Variants in RBPJ observed in about 807,000 individuals in gnomAD.
The protein encoded by RBPJ is recombination signal binding protein for immunoglobulin kappa J region.
RBPJ carries 9 observed loss-of-function variants against 67.8 expected under a neutral mutation model. The observed-to-expected ratio is 0.13, with a 90% CI of 0.08 to 0.23. The LOEUF (loss-of-function observed/expected upper bound fraction) is 0.23, where lower values mean the gene tolerates loss of function less well. RBPJ is among the 10% of genes least tolerant of loss of function. RBPJ has a pLI of 1.00. For synonymous variants in RBPJ, 198 were observed against 203.3 expected (o/e 0.97, Z 0.22); for missense variants, 305 against 595.6 (o/e 0.51, Z 5.08).
upstream of RBPJ, among the ~76,000 whole-genome samples, chr4:26,160,900 C>T (rs547973183): frequency 9.2e-5 from 14 of 152,348 alleles, no homozygotes; most frequent in African/African-American, 3.4e-4. Flanking sequence ...AAAGGGGCCT[C>T]TTTCTGTTTC....
intron 1 of RBPJ, among the ~76,000 whole-genome samples, chr4:26,229,768 A>G (rs1719210788): frequency 6.6e-6 from 1 of 152,242 alleles, no homozygotes; most frequent in South Asian, 2.1e-4. Context: ...GGATGAAAAA[A>G]TATCAACAAG....
intron 1 of RBPJ, among the ~76,000 whole-genome samples, chr4:26,341,236 C>T (rs1370006297): frequency 3.3e-5 from 5 of 152,226 alleles, no homozygotes; most frequent in East Asian, 3.9e-4. Flanking sequence ...GGAAGGAAAA[C>T]AGGAGTGTAG....
At chr4:26,319,115 C>T (rs1373214779), upstream of RBPJ, among the ~76,000 whole-genome samples, 1 of 151,580 alleles carries the variant, frequency 6.6e-6, no homozygotes, top group African/African-American at 2.4e-5. Context: ...AGGCATGACT[C>T]AAACCCGACT....
chr4:26,215,417 A>G (rs190710077), intron 1 of RBPJ, among the ~76,000 whole-genome samples: 9,967 of 80,780 alleles, frequency 0.12, 765 homozygotes, highest in African/African-American at 0.23. Flanking sequence ...GGAAGGAAGG[A>G]AGGGAGGGAG....
At chr4:26,252,611 A>G (rs1225566560) in intron 1 of RBPJ, among the ~76,000 whole-genome samples, 28 of 152,216 alleles carry the variant, frequency 1.8e-4, no homozygotes, top group Non-Finnish European at 1.5e-5. Flanking sequence ...AAGAAAAGCC[A>G]CATTCTTTGA....
At chr4:26,366,926 C>T (rs186320765) in intron 1 of RBPJ, among the ~76,000 whole-genome samples, 10 of 149,762 alleles carry the variant, frequency 6.7e-5, no homozygotes, top group African/African-American at 2.5e-4. Context: ...CAGTTTGAGA[C>T]CAGCCTGGCC....
intron 2 of RBPJ, among the ~76,000 whole-genome samples, chr4:26,389,640 C>CCTTTTGACCTAT: frequency 1.3e-5 from 2 of 150,820 alleles, no homozygotes; most frequent in East Asian, 3.9e-4. Context: ...TATAGAGTCA[C>CCTTTTGACCTAT]AGATGTTTGA....
chr4:26,402,041 A>G (rs940894728), intron 2 of RBPJ, among the ~76,000 whole-genome samples: 3 of 151,748 alleles, frequency 2.0e-5, no homozygotes, highest in Non-Finnish European at 2.9e-5. Context: ...GGCATGTGCC[A>G]CCATGCCTGG....
chr4:26,140,243 C>G, the RBPJ span, among the ~76,000 whole-genome samples: 3 of 152,210 alleles, frequency 2.0e-5, no homozygotes, highest in African/African-American at 7.2e-5. Context: ...ACAGGGGCCT[C>G]CTTAATTGCC....
At chr4:26,167,817 A>G (rs1456317751) in intron 1 of RBPJ, among the ~76,000 whole-genome samples, 1 of 151,076 alleles carries the variant, frequency 6.6e-6, no homozygotes, top group Non-Finnish European at 1.5e-5. Flanking sequence ...GAATGCTTCC[A>G]GTTTTTGCCC....
upstream of RBPJ, among the ~76,000 whole-genome samples, chr4:26,317,595 G>A (rs959708661): frequency 6.6e-6 from 1 of 152,172 alleles, no homozygotes; most frequent in Non-Finnish European, 1.5e-5. Flanking sequence ...GAAGAAGGGA[G>A]GACCAGTTAG....
the RBPJ span, among the ~76,000 whole-genome samples, chr4:26,157,208 T>C: frequency 6.6e-6 from 1 of 151,926 alleles, no homozygotes; most frequent in African/African-American, 2.4e-5. Flanking sequence ...GACGGGAGGA[T>C]TGCTTGAACC....
chr4:26,357,848 T>C (rs542195634), intron 1 of RBPJ, among the ~76,000 whole-genome samples: 15 of 152,334 alleles, frequency 9.8e-5, no homozygotes, highest in African/African-American at 3.6e-4. Flanking sequence ...ACTGGCTTAC[T>C]TCACTTACCA....
intron 2 of RBPJ, among the ~76,000 whole-genome samples, chr4:26,387,090 C>T (rs957168053): frequency 9.2e-5 from 14 of 152,260 alleles, no homozygotes; most frequent in African/African-American, 2.9e-4. Context: ...CACCTTTTCA[C>T]GCCACTTAAC....
At chr4:26,141,380 G>A in the RBPJ span, among the ~76,000 whole-genome samples, 1 of 152,290 alleles carries the variant, frequency 6.6e-6, no homozygotes, top group Non-Finnish European at 1.5e-5. Flanking sequence ...CCTGCGGGTG[G>A]GAAGAAGCTC....
At chr4:26,170,164 C>A (rs947275400) in intron 1 of RBPJ, among the ~76,000 whole-genome samples, 1 of 152,124 alleles carries the variant, frequency 6.6e-6, no homozygotes, top group African/African-American at 2.4e-5. Context: ...CCGTCTTCTG[C>A]GTCGCTCACA....
At chr4:26,289,232 A>G (rs758564329) in intron 1 of RBPJ, among the ~76,000 whole-genome samples, 1 of 149,706 alleles carries the variant, frequency 6.7e-6, no homozygotes, top group Non-Finnish European at 1.5e-5. Flanking sequence ...CCCCATCTCT[A>G]CTAAAAATAC....
At chr4:26,404,035 T>C (rs779001078) in intron 2 of RBPJ, among the ~76,000 whole-genome samples, 4 of 152,192 alleles carry the variant, frequency 2.6e-5, no homozygotes, top group African/African-American at 9.7e-5. Flanking sequence ...CTCCACAACC[T>C]CTCCAGCATC....
intron 1 of RBPJ, among the ~76,000 whole-genome samples, chr4:26,231,819 G>T (rs749583227): frequency 6.6e-6 from 1 of 152,074 alleles, no homozygotes; most frequent in South Asian, 2.1e-4. Flanking sequence ...AAAATGCTGG[G>T]ATTATAAGCG....
Sources: allele counts gnomAD v4.1 joint callset (sites outside exome capture counted in the v4.1 genomes callset), GRCh38; gene constraint gnomAD v4.1.1; transcripts MANE v1.5; gene names NCBI Gene and HGNC (gene_info 2026-07-23, HGNC 2026-07-21).